Variants in SCEL observed in about 807,000 individuals in gnomAD.
The protein encoded by SCEL is sciellin.
SCEL carries 113 observed loss-of-function variants against 117.6 expected under a neutral mutation model. The ratio of observed to expected loss-of-function variants is 0.96; its 90% CI spans 0.83 to 1.12. The LOEUF (loss-of-function observed/expected upper bound fraction) is 1.12. Among genes scored for constraint, SCEL ranks in the 50% most tolerant of loss-of-function variants. The pLI, the probability that SCEL is intolerant of heterozygous loss-of-function variation, is 0.00. For missense variants in SCEL, 785 were observed against 810.8 expected (o/e 0.97, Z 0.39); for synonymous variants, 270 against 256.2 (o/e 1.05, Z -0.51).
At chr13:77,540,387 G>C (rs552862255) in intron 1 of SCEL, among the ~76,000 whole-genome samples, 1 of 152,160 alleles carries the variant, frequency 6.6e-6, no homozygotes, top group African/African-American at 2.4e-5. Context: ...GGTGGGGGAA[G>C]ATTATTCAGC....
At chr13:77,613,338 C>T (rs570471078) in intron 23 of SCEL, among the ~76,000 whole-genome samples, 44 of 152,288 alleles carry the variant, frequency 2.9e-4, no homozygotes, top group African/African-American at 9.4e-4. Flanking sequence ...AAACTGACAA[C>T]ATAATATTCT....
intron 15 of SCEL, among the ~76,000 whole-genome samples, chr13:77,601,746 T>C (rs753758497): frequency 6.6e-6 from 1 of 152,174 alleles, no homozygotes; most frequent in Non-Finnish European, 1.5e-5. Flanking sequence ...AGTATCTCAA[T>C]ATACGTATTA....
At position 77,643,186 on chromosome 13, in the gene SCEL, A is replaced by G. The variant is rs565972767; in HGVS notation, c.2050+378A>G. ...GTATAATTTTTAACTAAATTTGGTTATTGCATTAAATGCTTTTGAATATTA... is the reference window on the plus strand; with the variant it reads ...GTATAATTTTTAACTAAATTTGGTTGTTGCATTAAATGCTTTTGAATATTA... On this transcript the variant is annotated intron_variant, in intron 32 of 32. Coordinates refer to ENST00000349847, the MANE Select transcript of SCEL (RefSeq NM_144777.3). Among the ~76,000 whole-genome samples, 7 of 152,238 alleles carry G rather than the reference A, an allele frequency of 4.6e-5. No individual in the cohort carries two copies. The South Asian group carries it at 1.4e-3, about 32-fold the overall frequency.
intron 3 of SCEL, 27 bp downstream of exon 3, chr13:77,556,740 G>A (rs2084680906): frequency 3.5e-6 from 5 of 1,448,382 alleles, no homozygotes; most frequent in Non-Finnish European, 4.9e-6. Flanking sequence ...CGTGGTGGGT[G>A]GACAGAAGGG....
chr13:77,614,603 G>A (rs1238570973), intron 24 of SCEL, among the ~76,000 whole-genome samples: 2 of 152,040 alleles, frequency 1.3e-5, no homozygotes, highest in East Asian at 1.9e-4. Flanking sequence ...CCCCTTTTAA[G>A]TTTTGTTGGT....
chr13:77,634,812 T>C (rs776480697), intron 29 of SCEL, among the ~76,000 whole-genome samples: 2 of 152,214 alleles, frequency 1.3e-5, no homozygotes, highest in Non-Finnish European at 2.9e-5. Context: ...TAAATAATTC[T>C]ATCTACTTTT....
chr13:77,594,071 C>T (rs1032870208), intron 12 of SCEL, among the ~76,000 whole-genome samples: 1 of 152,114 alleles, frequency 6.6e-6, no homozygotes, highest in African/African-American at 2.4e-5. Flanking sequence ...TAAAATGTCC[C>T]TCATGTGTAC....
chr13:77,556,779 C>T, intron 3 of SCEL, 66 bp downstream of exon 3: 1 of 1,097,880 alleles, frequency 9.1e-7, no homozygotes, highest in Non-Finnish European at 1.4e-6. Flanking sequence ...GTTTGGGAAG[C>T]TAATGCTCAT....
At chr13:77,614,677 A>G (rs1267755612) in intron 24 of SCEL, among the ~76,000 whole-genome samples, 1 of 152,188 alleles carries the variant, frequency 6.6e-6, no homozygotes, top group Non-Finnish European at 1.5e-5. Flanking sequence ...TTGGCCCAGT[A>G]GTTTGAATAA....
At chr13:77,633,689 C>T (rs1176356986) in intron 28 of SCEL, among the ~76,000 whole-genome samples, 5 of 152,054 alleles carry the variant, frequency 3.3e-5, no homozygotes, top group African/African-American at 4.8e-5. Context: ...TCTCAGGTAC[C>T]GCAGTCAACT....
intron 22 of SCEL, among the ~76,000 whole-genome samples, chr13:77,612,114 T>C (rs2088679687): frequency 1.3e-5 from 2 of 152,142 alleles, no homozygotes; most frequent in African/African-American, 4.8e-5. Flanking sequence ...TCCTAAAGAT[T>C]AGTTAAAAGT....
At chr13:77,614,109 A>G (rs537292301) in intron 24 of SCEL, among the ~76,000 whole-genome samples, 154 bp downstream of exon 24, 7 of 152,322 alleles carry the variant, frequency 4.6e-5, no homozygotes, top group African/African-American at 1.7e-4. Context: ...GTTAATTGCA[A>G]GAAAGAGAGG....
At chr13:77,597,227 G>A in intron 12 of SCEL, 1 of 300,206 alleles carries the variant, frequency 3.3e-6, no homozygotes, top group Non-Finnish European at 6.1e-6. Context: ...CTGTGCTGAG[G>A]TAGGAGCATT....
intron 3 of SCEL, 142 bp downstream of exon 3, chr13:77,556,855 T>C: frequency 1.5e-6 from 1 of 646,154 alleles, no homozygotes. Flanking sequence ...TGAGACTTAG[T>C]AAGCACAAAT....
Position 77,599,860 on chromosome 13 carries a change from T to C in SCEL, c.917+112T>C, listed in dbSNP as rs1567401274. The C allele has an allele frequency of 2.0e-5, 15 of 755,722 alleles. No individual in the cohort carries two copies. The East Asian group carries it at 3.9e-4, about 20-fold the overall frequency. The allele number at this position is 755,722 out of a possible 1,614,324, so 46.8% of individuals were successfully genotyped here. On this transcript the variant is annotated intron_variant, in intron 15 of 32. Coordinates refer to ENST00000349847, the MANE Select transcript of SCEL (RefSeq NM_144777.3). ...TCAGGCAGGCTGGTGGAATAAGCCT[T>C]AGACTGGGGTCCAGGGATAGTGTGT... is the stretch of plus-strand genomic sequence containing the variant.
Position 77,642,780 on chromosome 13 carries a change from C to T in SCEL, c.2022C>T (p.His674=), listed in dbSNP as rs2813739. ...DSIWIYRQTI[H]CEPCYSKIMA... is the part of the protein sequence containing the mutation. ...TTTGGATTTATAGACAGACAATACA[C>T]TGTGAACCTTGCTACTCTAAAATTA... is the stretch of plus-strand genomic sequence containing the variant. Residue 674 remains histidine (H), a synonymous_variant, in exon 32 of 33, where the codon CAC becomes CAT. Coordinates refer to ENST00000349847, the MANE Select transcript of SCEL (RefSeq NM_144777.3). 0.16 allele frequency: 248,486 copies of T among 1,600,510 alleles called. 20,182 individuals carry two copies. Among genetic ancestry groups the T allele is most frequent in the Admixed American group, 0.18 (10,577 of 57,776 alleles).
intron 4 of SCEL, among the ~76,000 whole-genome samples, chr13:77,561,898 C>CCAGCA (rs1384474377): frequency 6.6e-6 from 1 of 152,100 alleles, no homozygotes; most frequent in Non-Finnish European, 1.5e-5. Context: ...AGAAGCACTT[C>CCAGCA]CAGCAGAGAT....
chr13:77,605,368 C>T (rs2154402167), intron 19 of SCEL, among the ~76,000 whole-genome samples: 1 of 152,276 alleles, frequency 6.6e-6, no homozygotes, highest in Admixed American at 6.5e-5. Context: ...GAATTCAAGG[C>T]TTGCACAAGC....
At chr13:77,610,218 C>G in intron 22 of SCEL, 112 bp downstream of exon 22, 1 of 605,390 alleles carries the variant, frequency 1.7e-6, no homozygotes, top group South Asian at 2.9e-5. Flanking sequence ...TTTAGGAGGC[C>G]GAGGCGGGAG....
Sources: gnomAD v4.1 joint callset for allele counts (sites outside exome capture counted in the v4.1 genomes callset) on GRCh38, gnomAD v4.1.1 for gene constraint, MANE v1.5 for transcripts, NCBI Gene and HGNC (gene_info 2026-07-23, HGNC 2026-07-21) for gene names.